TJP1: variants seen among roughly 807,000 people sequenced by gnomAD.
The protein encoded by TJP1 is tight junction protein 1.
In TJP1, 43 loss-of-function variants were observed where a neutral mutation model predicts 194.2. The ratio of observed to expected loss-of-function variants is 0.22; its 90% CI spans 0.17 to 0.29. The LOEUF (loss-of-function observed/expected upper bound fraction) is 0.29, where lower values mean the gene tolerates loss of function less well. TJP1 is among the 10% of genes least tolerant of loss of function. TJP1 has a pLI of 1.00. For synonymous variants in TJP1, 801 were observed against 779.0 expected, an observed-to-expected ratio of 1.03 and a Z score of -0.47; for missense variants, 1,971 against 2,185.7, an observed-to-expected ratio of 0.90 and a Z score of 1.96.
intron 22 of TJP1, among the ~76,000 whole-genome samples, chr15:29,717,430 A>G (rs768601305): frequency 3.3e-5 from 5 of 152,232 alleles, no homozygotes; most frequent in Non-Finnish European, 5.9e-5. Context: ...TTCAAATCTA[A>G]TCTGTCACTT....
intron 2 of TJP1, among the ~76,000 whole-genome samples, chr15:29,890,152 A>C (rs1879940): frequency 0.47 from 72,103 of 152,046 alleles, 17,491 homozygotes; most frequent in South Asian, 0.6. Flanking sequence ...CCCGACCTTG[A>C]GTCCACCTCG....
At chr15:29,769,388 A>G (rs1466258828) in intron 4 of TJP1, among the ~76,000 whole-genome samples, 1 of 152,228 alleles carries the variant, frequency 6.6e-6, no homozygotes, top group Non-Finnish European at 1.5e-5. Flanking sequence ...CTGGCAATAC[A>G]TACATCAAAA....
At chr15:29,733,370 GAC>G (rs2043800576) in intron 12 of TJP1, 57 bp from the exon 13 acceptor site, 3 of 1,193,682 alleles carry the variant, frequency 2.5e-6, no homozygotes, top group Non-Finnish European at 2.4e-6. Flanking sequence ...CAATCTGAAA[GAC>G]AGTACATTAT....
At chr15:29,925,451 T>A (rs1161006172) in intron 2 of TJP1, among the ~76,000 whole-genome samples, 1 of 152,272 alleles carries the variant, frequency 6.6e-6, no homozygotes, top group East Asian at 1.9e-4. Context: ...GGGCAGACAC[T>A]CAGGCGCTAC....
At chr15:29,791,909 C>T (rs1001233989) in intron 2 of TJP1, among the ~76,000 whole-genome samples, 4 of 152,050 alleles carry the variant, frequency 2.6e-5, no homozygotes, top group Non-Finnish European at 5.9e-5. Context: ...ACCATTTACC[C>T]ATATGTCTTC....
At chr15:29,765,403 C>A (rs2046270552) in intron 5 of TJP1, among the ~76,000 whole-genome samples, 1 of 152,154 alleles carries the variant, frequency 6.6e-6, no homozygotes, top group African/African-American at 2.4e-5. Context: ...TCAAAATGAT[C>A]AGTCATGCAT....
chr15:29,890,368 AGGATCTTTAAACT>A (rs1476089715), intron 2 of TJP1, among the ~76,000 whole-genome samples: 1 of 152,236 alleles, frequency 6.6e-6, no homozygotes, highest in Non-Finnish European at 1.5e-5. Context: ...GCCACCAGTA[AGGATCTTTAAACT>A]GGAAAAGGCT....
rs146654536 is a variant in TJP1, at chr15:29,858,143, G to A, written c.307-57441C>T. On this transcript the variant is annotated intron_variant, in intron 2 of 28. Transcript: ENST00000356107. ...AGGCCAGCTGTGGTGTCTTACTCCC[G>A]TAATCTCAACACTTTGGGAGGCCAA... is the stretch of plus-strand genomic sequence containing the variant. Among the ~76,000 whole-genome samples, 420 of 152,142 alleles carry A rather than the reference G, an allele frequency of 2.8e-3. 4 individuals are homozygous for A. Among genetic ancestry groups the A allele is most frequent in the Admixed American group, 7.5e-3 (114 of 15,284 alleles).
chr15:29,864,196 A>C (rs2052207985), intron 2 of TJP1, among the ~76,000 whole-genome samples: 1 of 143,370 alleles, frequency 7.0e-6, no homozygotes, highest in African/African-American at 2.6e-5. Flanking sequence ...GTTTGAGACC[A>C]GTCTGGCCAA....
rs976323712 is a variant in TJP1 at position 29,821,951 on chromosome 15, G to A, written c.27+51C>T. 4 of 1,214,938 alleles carry A rather than the reference G, an allele frequency of 3.3e-6. No homozygotes were observed. In the African/African-American group the frequency reaches 4.7e-5, roughly 14 times the overall value. The allele number at this position is 1,214,938 out of a possible 1,614,324, so 75.3% of individuals were successfully genotyped here. A position where few individuals can be genotyped will look rare whatever the true frequency, so the allele number is the denominator to read the frequency against. ...GGACGCGGGCCAGATGCCGGTGGGC[G>A]GGCGGCGACGGTCGGCCCGGTCTGG... On this transcript the variant is annotated intron_variant, in intron 1 of 27. Transcript: ENST00000614355.
intron 2 of TJP1, among the ~76,000 whole-genome samples, chr15:29,871,022 T>C (rs1252690239): frequency 6.6e-6 from 1 of 152,126 alleles, no homozygotes; most frequent in Non-Finnish European, 1.5e-5. Flanking sequence ...TCCTCAACGC[T>C]AGCTGGAGAG....
At chr15:29,838,328 G>A (rs2051104740) in intron 2 of TJP1, among the ~76,000 whole-genome samples, 1 of 152,188 alleles carries the variant, frequency 6.6e-6, no homozygotes, top group South Asian at 2.1e-4. Flanking sequence ...GGGAGGCTGA[G>A]GCATAAGAAT....
At chr15:29,865,226 C>G (rs1009898362) in intron 2 of TJP1, among the ~76,000 whole-genome samples, 1 of 152,222 alleles carries the variant, frequency 6.6e-6, no homozygotes, top group African/African-American at 2.4e-5. Context: ...GAGAATTACT[C>G]TTTCAACAGT....
intron 2 of TJP1, among the ~76,000 whole-genome samples, chr15:29,949,702 C>A (rs2055556466): frequency 2.3e-5 from 3 of 131,622 alleles, no homozygotes; most frequent in Admixed American, 8.2e-5. Context: ...CCTCCACCAC[C>A]ACCACCTCCA....
intron 18 of TJP1, among the ~76,000 whole-genome samples, chr15:29,724,326 CAATG>C (rs1386669475): frequency 2.6e-5 from 4 of 152,172 alleles, no homozygotes; most frequent in African/African-American, 9.7e-5. Context: ...GAACAAGTCT[CAATG>C]GCTTCTCAAC....
chr15:29,774,394 T>C (rs546967738), intron 2 of TJP1, among the ~76,000 whole-genome samples: 1 of 152,268 alleles, frequency 6.6e-6, no homozygotes, highest in African/African-American at 2.4e-5. Context: ...TAAAACGTGA[T>C]ATATATCCAT....
At chr15:29,907,920 A>C (rs1026632749) in intron 2 of TJP1, among the ~76,000 whole-genome samples, 1 of 151,886 alleles carries the variant, frequency 6.6e-6, no homozygotes, top group Admixed American at 6.6e-5. Flanking sequence ...CATTCCTCTT[A>C]TCATTTTCTG....
intron 2 of TJP1, among the ~76,000 whole-genome samples, chr15:29,949,474 C>T (rs1567225030): frequency 4.4e-4 from 56 of 126,708 alleles, no homozygotes; most frequent in African/African-American, 1.6e-3. Context: ...CCACCACCAC[C>T]TCCACAACCA....
intron 1 of TJP1, among the ~76,000 whole-genome samples, chr15:29,961,718 A>G (rs963595239): frequency 1.3e-4 from 20 of 152,150 alleles, no homozygotes; most frequent in Middle Eastern, 6.8e-3. Context: ...TGATCTGCCC[A>G]TTTCCCTTCT....
Sources: allele counts gnomAD v4.1 joint callset (sites outside exome capture counted in the v4.1 genomes callset), GRCh38; gene constraint gnomAD v4.1.1; transcripts MANE v1.5; gene names NCBI Gene and HGNC (gene_info 2026-07-23, HGNC 2026-07-21).